PDE4D: variants seen among roughly 807,000 people sequenced by gnomAD.
PDE4D encodes the protein 3',5'-cyclic-AMP phosphodiesterase 4D.
Under a neutral mutation model 87.4 loss-of-function variants are expected in PDE4D, and 24 were observed. That is an observed-to-expected ratio of 0.27 (90% CI 0.20 to 0.39). The LOEUF (loss-of-function observed/expected upper bound fraction) is 0.39, where lower values mean the gene tolerates loss of function less well. Among genes scored for constraint, PDE4D ranks in the 10% least tolerant of loss-of-function variants. The pLI, the probability that PDE4D is intolerant of heterozygous loss-of-function variation, is 1.00. For missense variants in PDE4D, 714 were observed against 1,041.0 expected (o/e 0.69, Z 4.32); for synonymous variants, 384 against 383.2 (o/e 1.00, Z -0.02).
At chr5:59,429,825 C>G (rs767163706) in intron 1 of PDE4D, among the ~76,000 whole-genome samples, 29 of 152,072 alleles carry the variant, frequency 1.9e-4, no homozygotes, top group Non-Finnish European at 3.5e-4. Context: ...AAATACATAA[C>G]CTTGTTCTTC....
At chr5:59,160,045 A>C (rs2153464420) in intron 5 of PDE4D, among the ~76,000 whole-genome samples, 1 of 152,362 alleles carries the variant, frequency 6.6e-6, no homozygotes, top group Non-Finnish European at 1.5e-5. Flanking sequence ...AGCAAAAATG[A>C]TTTAATTACA....
chr5:59,967,170 T>C (rs1267915954), intron 3 of PDE4D, among the ~76,000 whole-genome samples: 1 of 152,116 alleles, frequency 6.6e-6, no homozygotes, highest in Non-Finnish European at 1.5e-5. Context: ...CAGATAATTA[T>C]TGATGTCAGC....
chr5:59,439,442 C>T (rs1200490827), intron 1 of PDE4D, among the ~76,000 whole-genome samples: 1 of 151,664 alleles, frequency 6.6e-6, no homozygotes, highest in East Asian at 1.9e-4. Context: ...CCATAAATGG[C>T]TTCGGTAACC....
At position 60,424,681 on chromosome 5, in the gene PDE4D, G is replaced by A. The variant is rs1422931952; in HGVS notation, c.-90+63261C>T. Among the ~76,000 whole-genome samples the A allele has an allele frequency of 2.6e-5, 4 of 152,104 alleles. No homozygotes were observed. The South Asian group carries it at 6.2e-4, about 24-fold the overall frequency. On this transcript the variant is annotated intron_variant, in intron 1 of 16. Transcript: ENST00000502484. ...CAACTTAGTGTTGGAAGTTCTGGCT[G>A]GGGCAATCAGGCAAGAGAAAGAAAT...
At chr5:59,312,087 CCTTAGTT>C (rs1772788208) in intron 1 of PDE4D, among the ~76,000 whole-genome samples, 1 of 152,162 alleles carries the variant, frequency 6.6e-6, no homozygotes, top group South Asian at 2.1e-4. Context: ...ACACCGGGCT[CCTTAGTT>C]CTCCTCTCCA....
At position 59,455,905 on chromosome 5, in the gene PDE4D, C is replaced by T. The variant is rs576971454; in HGVS notation, c.456-239937G>A. ...TTTTGGACTTGCATGGGGCCTATGGCCCCTTTGTTTTGGCCAATTTCTTCC... is the reference window on the plus strand; with the variant it reads ...TTTTGGACTTGCATGGGGCCTATGGTCCCTTTGTTTTGGCCAATTTCTTCC... On this transcript the variant is annotated intron_variant, in intron 1 of 14. Transcript: ENST00000340635. Among the ~76,000 whole-genome samples, 5 of 152,328 alleles carry T rather than the reference C, an allele frequency of 3.3e-5. No individual in the cohort carries two copies. In the South Asian group the frequency reaches 1.0e-3, roughly 32 times the overall value.
At chr5:59,583,872 C>T (rs1824635812) in intron 1 of PDE4D, among the ~76,000 whole-genome samples, 1 of 152,178 alleles carries the variant, frequency 6.6e-6, no homozygotes, top group Non-Finnish European at 1.5e-5. Context: ...GAAAGAGGAC[C>T]AGCACATGCC....
chr5:59,854,558 A>C (rs538272021), intron 1 of PDE4D, among the ~76,000 whole-genome samples: 6 of 152,214 alleles, frequency 3.9e-5, no homozygotes, highest in Middle Eastern at 3.4e-3. Flanking sequence ...TAAACATCCA[A>C]TATTATATAA....
chr5:59,254,851 A>G (rs1760661304), intron 1 of PDE4D, among the ~76,000 whole-genome samples: 1 of 152,142 alleles, frequency 6.6e-6, no homozygotes, highest in East Asian at 1.9e-4. Flanking sequence ...ATATTTATGT[A>G]TGTACAGTCT....
At chr5:59,663,567 T>C (rs1745598500) in intron 1 of PDE4D, among the ~76,000 whole-genome samples, 1 of 152,216 alleles carries the variant, frequency 6.6e-6, no homozygotes, top group Admixed American at 6.5e-5. Flanking sequence ...TGATGCTTGC[T>C]TGATTATATT....
intron 1 of PDE4D, among the ~76,000 whole-genome samples, chr5:59,266,990 T>G (rs1293429178): frequency 6.8e-6 from 1 of 146,406 alleles, no homozygotes; most frequent in Non-Finnish European, 1.5e-5. Flanking sequence ...CAACTGTATA[T>G]AGTACTAAGT....
intron 1 of PDE4D, among the ~76,000 whole-genome samples, chr5:59,803,998 C>G (rs560182521): frequency 6.6e-6 from 1 of 152,078 alleles, no homozygotes; most frequent in South Asian, 2.1e-4. Flanking sequence ...TGACCATGTC[C>G]CACTTTCTTT....
At chr5:60,211,432 G>T (rs1743203092) in intron 1 of PDE4D, among the ~76,000 whole-genome samples, 1 of 148,012 alleles carries the variant, frequency 6.8e-6, no homozygotes, top group Non-Finnish European at 1.5e-5. Flanking sequence ...TCAAGAGAAA[G>T]CTACTTGCTT....
intron 1 of PDE4D, among the ~76,000 whole-genome samples, chr5:59,347,906 A>G (rs1779868502): frequency 1.3e-5 from 2 of 152,182 alleles, no homozygotes; most frequent in Admixed American, 1.3e-4. Context: ...TGGAATGGAT[A>G]TGCTTGAACT....
chr5:60,508,599 G>A (rs1298252673), intron 1 of PDE4D, among the ~76,000 whole-genome samples: 1 of 152,152 alleles, frequency 6.6e-6, no homozygotes, highest in African/African-American at 2.4e-5. Context: ...CTTGTTATTT[G>A]TGGCAGTTAC....
At chr5:60,216,596 A>C (rs1197628112) in intron 1 of PDE4D, among the ~76,000 whole-genome samples, 1 of 152,144 alleles carries the variant, frequency 6.6e-6, no homozygotes, top group East Asian at 1.9e-4. Context: ...AAAACGATGA[A>C]ACAAATATTC....
chr5:59,009,682 T>G (rs1752381358), intron 6 of PDE4D, among the ~76,000 whole-genome samples: 1 of 152,096 alleles, frequency 6.6e-6, no homozygotes, highest in Non-Finnish European at 1.5e-5. Context: ...ACACATTACC[T>G]ATATATCTAG....
At chr5:60,460,660 G>C in intron 1 of PDE4D, 1 of 1,114,540 alleles carries the variant, frequency 9.0e-7, no homozygotes, top group Non-Finnish European at 1.4e-6. Flanking sequence ...AGAGGCCAAT[G>C]TCTCCTCCGG....
intron 1 of PDE4D, among the ~76,000 whole-genome samples, chr5:60,257,371 A>C (rs1248800973): frequency 6.6e-6 from 1 of 151,968 alleles, no homozygotes; most frequent in Non-Finnish European, 1.5e-5. Flanking sequence ...TAAAAGAGCT[A>C]TTATTTTCTT....
Sources: allele counts gnomAD v4.1 joint callset (sites outside exome capture counted in the v4.1 genomes callset), GRCh38; gene constraint gnomAD v4.1.1; transcripts MANE v1.5; gene names NCBI Gene and HGNC (gene_info 2026-07-23, HGNC 2026-07-21).